TBC1D16: variants seen among roughly 807,000 people sequenced by gnomAD.
The protein encoded by TBC1D16 is CTD-2529O21.1.
TBC1D16 carries 58 observed loss-of-function variants against 74.7 expected under a neutral mutation model. That is an observed-to-expected ratio of 0.78 (90% CI 0.63 to 0.97). TBC1D16 has a LOEUF of 0.97. Ranked by LOEUF, TBC1D16 falls within the 50% of genes least tolerant of loss-of-function variation. The pLI is 0.00. For synonymous variants in TBC1D16, 493 were observed against 474.7 expected (o/e 1.04, Z -0.50); for missense variants, 1,014 against 1,079.5 (o/e 0.94, Z 0.85).
chr17:80,017,897 C>A (rs2036148121), intron 1 of TBC1D16, among the ~76,000 whole-genome samples: 1 of 152,076 alleles, frequency 6.6e-6, no homozygotes, highest in Non-Finnish European at 1.5e-5. Flanking sequence ...AACACTTCAT[C>A]CCACACAGGG....
At chr17:80,016,192 C>T (rs908510670) in intron 1 of TBC1D16, among the ~76,000 whole-genome samples, 5 of 151,188 alleles carry the variant, frequency 3.3e-5, no homozygotes, top group Non-Finnish European at 7.4e-5. Flanking sequence ...GGATTCTACT[C>T]GTGTGAGGTC....
Position 79,939,575 on chromosome 17 carries a change from G to A in TBC1D16, c.*1284C>T, listed in dbSNP as rs1010187469. ...ATTTCAGGAGGGATTTGGTCTCCTC[G>A]CTCAAGGAGTGGCTTTCTGTGCAAA... On this transcript the variant is annotated 3_prime_UTR_variant, in exon 12 of 12. Transcript: ENST00000310924. 5.9e-5 allele frequency: 9 copies of A among 152,194 alleles called. No homozygotes were observed. The highest frequency in any genetic ancestry group is 1.7e-4 in the African/African-American group (7 of 41,422). 9.4% of individuals were successfully genotyped at this position (152,194 alleles called of 1,614,324 possible).
At chr17:80,015,968 G>A (rs1391047911) in intron 1 of TBC1D16, among the ~76,000 whole-genome samples, 4 of 138,378 alleles carry the variant, frequency 2.9e-5, no homozygotes, top group East Asian at 4.2e-4. Flanking sequence ...CCGAGATCAC[G>A]CCACTGCACT....
chr17:80,013,336 C>T (rs2035962122), intron 2 of TBC1D16, 31 bp downstream of exon 2: 7 of 1,566,100 alleles, frequency 4.5e-6, no homozygotes, highest in South Asian at 2.3e-5. Context: ...CTGGGCTGTG[C>T]GACCCTGGAG....
chr17:79,947,687 G>A lies in TBC1D16; in HGVS notation c.1686C>T (p.Ile562=), dbSNP rs75937006. ...CCTCGTCCCGGGGTGAGCTGACGAA[G>A]ATCGTGTTCTGCATCAAACCCACAA... The part of the protein sequence containing the change: ...WCFVGLMQNT[I]FVSSPRDEDM... Residue 562 remains isoleucine (I), a synonymous_variant, in exon 9 of 12, where the codon ATC becomes ATT. Transcript: ENST00000310924. 5.6e-6 allele frequency: 9 copies of A among 1,614,136 alleles called. No homozygotes were observed. The African/African-American group carries it at 1.2e-4, about 22-fold the overall frequency.
rs1267528804 is a variant in TBC1D16, at chr17:79,995,658, G to A, written c.779+14502C>T. On this transcript the variant is annotated intron_variant, in intron 3 of 11. Coordinates refer to ENST00000310924, the MANE Select transcript of TBC1D16 (RefSeq NM_019020.4). Reference sequence around the variant, plus strand: ...AAATTAGCCGGGCGTGGTGGTGGGCGCCTGTAGTCCCAGCTACTCGGGAGG... The same window carrying A: ...AAATTAGCCGGGCGTGGTGGTGGGCACCTGTAGTCCCAGCTACTCGGGAGG... 3.3e-5 allele frequency among the ~76,000 whole-genome samples: 5 copies of A among 150,596 alleles called. No individual in the cohort carries two copies. In the East Asian group the frequency reaches 6.0e-4, roughly 18 times the overall value.
chr17:79,941,799 A>C lies in TBC1D16; in HGVS notation c.2055+261T>G, dbSNP rs2032023644. On this transcript the variant is annotated intron_variant, in intron 11 of 11. Coordinates refer to ENST00000310924, the MANE Select transcript of TBC1D16 (RefSeq NM_019020.4). The surrounding 1 kb of genome is among the most constrained non-coding windows in gnomAD (Gnocchi z 4.3). Reference sequence around the variant, plus strand: ...GAATTCGTTCCCTCCTCAGCCAGCGAGGGAGGCTCCTGTGTCAGGGCTGGC... The same window carrying C: ...GAATTCGTTCCCTCCTCAGCCAGCGCGGGAGGCTCCTGTGTCAGGGCTGGC... 1.3e-5 allele frequency among the ~76,000 whole-genome samples: 2 copies of C among 152,154 alleles called. No individual in the cohort carries two copies. Among genetic ancestry groups the C allele is most frequent in the Admixed American group, 1.3e-4 (2 of 15,286 alleles).
chr17:80,023,769 T>G (rs2143182423), intron 1 of TBC1D16: 1 of 149,784 alleles, frequency 6.7e-6, no homozygotes, highest in South Asian at 2.1e-4. Flanking sequence ...CAGCGGGTTG[T>G]GTCAGGCCGC....
At chr17:79,977,908 C>T (rs1000718745) in intron 3 of TBC1D16, among the ~76,000 whole-genome samples, 1 of 152,228 alleles carries the variant, frequency 6.6e-6, no homozygotes, top group Non-Finnish European at 1.5e-5. Context: ...AAAGCCTCGG[C>T]GACTGCGGTG....
chr17:79,954,572 C>T lies in TBC1D16; in HGVS notation c.780-1754G>A, dbSNP rs542617567. Among the ~76,000 whole-genome samples, 11 of 152,300 alleles carry T rather than the reference C, an allele frequency of 7.2e-5. No individual in the cohort carries two copies. Among genetic ancestry groups the T allele is most frequent in the South Asian group, 2.1e-4 (1 of 4,828 alleles). On this transcript the variant is annotated intron_variant, in intron 3 of 11. Transcript: ENST00000310924. This position sits in a 1 kb window ranked among gnomAD's most constrained non-coding sequence, Gnocchi z 5.5. ...TGCGCCGCGGACGGGCCCAGAAGAC[C>T]GAGGGCTCCTGACATCTTCCCAAGT...
rs2036553160 is a variant in TBC1D16, at chr17:80,025,583, C to T, written c.-63+10212G>A. ...GGGGCCCGCCTGCTGGGAGCAGCCGCCTGCTGGGAGCACCTCCTTGCTGGA... is the reference window on the plus strand; with the variant it reads ...GGGGCCCGCCTGCTGGGAGCAGCCGTCTGCTGGGAGCACCTCCTTGCTGGA... On this transcript the variant is annotated intron_variant, in intron 1 of 11. Transcript: ENST00000310924. Among the ~76,000 whole-genome samples the T allele has an allele frequency of 2.0e-5, 3 of 149,594 alleles. 1 individual carries two copies. The highest frequency in any genetic ancestry group is 5.1e-5 in the African/African-American group (2 of 39,108).
intron 3 of TBC1D16, among the ~76,000 whole-genome samples, chr17:79,959,279 T>C (rs2033486580): frequency 6.6e-6 from 1 of 152,172 alleles, no homozygotes; most frequent in African/African-American, 2.4e-5. Flanking sequence ...ATGCACCATG[T>C]CCATAGAATA....
At chr17:79,952,913 G>A (rs907422117) in intron 3 of TBC1D16, 95 bp from the exon 4 acceptor site, 16 of 1,437,812 alleles carry the variant, frequency 1.1e-5, no homozygotes, top group South Asian at 4.0e-5. Context: ...TTAAACCTAC[G>A]CACCAAGCTT....
At position 79,985,144 on chromosome 17, in the gene TBC1D16, G is replaced by T. The variant is rs1439288338; in HGVS notation, c.779+25016C>A. On this transcript the variant is annotated intron_variant, in intron 3 of 11. Coordinates refer to ENST00000310924, the MANE Select transcript of TBC1D16 (RefSeq NM_019020.4). This position sits in a 1 kb window ranked among gnomAD's most constrained non-coding sequence, Gnocchi z 4.9. Reference sequence around the variant, plus strand: ...TTTCCTGCCTCTTCCAGCTGGAGGTGCTCGTCCTGGATCCTGGAAGCCCCC... The same window carrying T: ...TTTCCTGCCTCTTCCAGCTGGAGGTTCTCGTCCTGGATCCTGGAAGCCCCC... 2.3e-4 allele frequency among the ~76,000 whole-genome samples: 35 copies of T among 152,096 alleles called. No homozygotes were observed. Among genetic ancestry groups the T allele is most frequent in the Non-Finnish European group, 2.1e-4 (14 of 68,026 alleles).
In TBC1D16 at chr17:79,969,878, G is replaced by A. The variant is rs774650691; in HGVS notation, c.780-17060C>T. On this transcript the variant is annotated intron_variant, in intron 3 of 11. Coordinates refer to ENST00000310924, the MANE Select transcript of TBC1D16 (RefSeq NM_019020.4). Reference sequence around the variant, plus strand: ...AATCGCTTGAACCCGGGAGGCGGAGGTTGCAGTGAGCCGAGATCACGCCAT... The same window carrying A: ...AATCGCTTGAACCCGGGAGGCGGAGATTGCAGTGAGCCGAGATCACGCCAT... Among the ~76,000 whole-genome samples, 5 of 152,182 alleles carry A rather than the reference G, an allele frequency of 3.3e-5. No individual in the cohort carries two copies. The South Asian group carries it at 6.2e-4, about 19-fold the overall frequency.
rs115835273 is a variant in TBC1D16 at position 79,956,561 on chromosome 17, C to T, written c.780-3743G>A. On this transcript the variant is annotated intron_variant, in intron 3 of 11. Transcript: ENST00000310924. The surrounding 1 kb of genome is among the most constrained non-coding windows in gnomAD (Gnocchi z 4.0). ...GAGCCACCACGCTGGGCCCGGTGGTCGCTTTAAGTTGCTGAGTTTGAGGGC... is the reference window on the plus strand; with the variant it reads ...GAGCCACCACGCTGGGCCCGGTGGTTGCTTTAAGTTGCTGAGTTTGAGGGC... Among the ~76,000 whole-genome samples the T allele has an allele frequency of 6.6e-6, 1 of 152,112 alleles. No individual in the cohort carries two copies. The highest frequency in any genetic ancestry group is 2.4e-5 in the African/African-American group (1 of 41,418).
intron 3 of TBC1D16, among the ~76,000 whole-genome samples, chr17:79,970,807 C>A (rs1333226515): frequency 2.1e-5 from 3 of 144,490 alleles, no homozygotes; most frequent in Non-Finnish European, 4.6e-5. Flanking sequence ...AAGCTAAGCA[C>A]ATCAGAGAAA....
At chr17:80,016,239 A>C in intron 1 of TBC1D16, among the ~76,000 whole-genome samples, 2 of 149,008 alleles carry the variant, frequency 1.3e-5, no homozygotes, top group Non-Finnish European at 1.5e-5. Flanking sequence ...AGGAAGTGGA[A>C]TGGTGGGTGC....
chr17:79,981,187 G>A lies in TBC1D16; in HGVS notation c.780-28369C>T, dbSNP rs761576965. 2.6e-5 allele frequency among the ~76,000 whole-genome samples: 4 copies of A among 152,150 alleles called. No individual in the cohort carries two copies. The highest frequency in any genetic ancestry group is 2.1e-4 in the South Asian group (1 of 4,822). ...CTCGCTCCCTCCTTAATCTCCACTC[G>A]GCTTTTCCCATCCCCTGGGCCTAGT... On this transcript the variant is annotated intron_variant, in intron 3 of 11. Coordinates refer to ENST00000310924, the MANE Select transcript of TBC1D16 (RefSeq NM_019020.4). This position sits in a 1 kb window ranked among gnomAD's most constrained non-coding sequence, Gnocchi z 6.9.
Sources: allele counts gnomAD v4.1 joint callset (sites outside exome capture counted in the v4.1 genomes callset), GRCh38; gene constraint gnomAD v4.1.1; non-coding constraint Gnocchi (gnomAD v3.1); transcripts MANE v1.5; gene names NCBI Gene and HGNC (gene_info 2026-07-23, HGNC 2026-07-21).